AOAH: variants seen among roughly 807,000 people sequenced by gnomAD.
AOAH encodes the protein acyloxyacyl hydrolase (neutrophil).
In AOAH, 64 loss-of-function variants were observed where a neutral mutation model predicts 92.2. The observed-to-expected ratio is 0.69, with a 90% CI of 0.57 to 0.86. AOAH has a LOEUF of 0.86. AOAH is among the 40% of genes least tolerant of loss of function. The pLI, the probability that AOAH is intolerant of heterozygous loss-of-function variation, is 0.00. For missense variants in AOAH, 656 were observed against 694.6 expected (o/e 0.94, Z 0.62); for synonymous variants, 263 against 254.5 (o/e 1.03, Z -0.32).
intron 1 of AOAH, among the ~76,000 whole-genome samples, chr7:36,713,858 C>T (rs1798945977): frequency 1.3e-5 from 2 of 152,038 alleles, no homozygotes; most frequent in Non-Finnish European, 2.9e-5. Context: ...GCACTAAATG[C>T]CCACAAGAGA....
intron 9 of AOAH, among the ~76,000 whole-genome samples, chr7:36,618,627 C>T (rs148805310): frequency 4.1e-4 from 63 of 152,258 alleles, no homozygotes; most frequent in Non-Finnish European, 7.1e-4. Context: ...GGGTCTCACC[C>T]CTCAGAGCAT....
chr7:36,612,963 CTT>C (rs1014901736), intron 11 of AOAH, among the ~76,000 whole-genome samples: 5 of 151,988 alleles, frequency 3.3e-5, no homozygotes, highest in African/African-American at 1.2e-4. Flanking sequence ...TTACATTTCT[CTT>C]TTAATTTTGT....
chr7:36,616,407 T>C lies in AOAH; in HGVS notation c.819A>G (p.Glu273=). ...SAGAHFHISP[E]WITASQMSLN... ...AAGACATCTGCGACGCTGTGATCCATTCAGGAGAGATGTGAAAATGAGCCC... is the reference window on the plus strand; with the variant it reads ...AAGACATCTGCGACGCTGTGATCCACTCAGGAGAGATGTGAAAATGAGCCC... Residue 273 remains glutamate (E), a synonymous_variant, in exon 11 of 21, where the codon GAA becomes GAG. Coordinates refer to ENST00000617537, the MANE Select transcript of AOAH (RefSeq NM_001637.4). 6.2e-7 allele frequency: 1 copy of C among 1,614,088 alleles called. No homozygotes were observed.
At chr7:36,563,088 A>C (rs974843624) in intron 13 of AOAH, among the ~76,000 whole-genome samples, 1 of 132,556 alleles carries the variant, frequency 7.5e-6, no homozygotes, top group Non-Finnish European at 1.6e-5. Context: ...CGGAGGTTGC[A>C]GTGAGCCGAG....
chr7:36,606,684 C>T (rs1259788988), intron 11 of AOAH, among the ~76,000 whole-genome samples: 4 of 152,166 alleles, frequency 2.6e-5, no homozygotes, highest in Middle Eastern at 3.4e-3. Context: ...CCTTGCTGGC[C>T]TCAATGATCT....
rs370695490 is a variant in AOAH, at chr7:36,621,828, T to A, written c.583-48A>T. On this transcript the variant is annotated intron_variant, in intron 7 of 20. Transcript: ENST00000617537. ...GGAGGGGTTCAGCCTGCTTTGATGT[T>A]ATCCACGAGGAAGGCTAATCAGAGT... is the stretch of plus-strand genomic sequence containing the variant. 3.9e-6 allele frequency: 6 copies of A among 1,555,080 alleles called. No homozygotes were observed. The East Asian group carries it at 1.3e-4, about 35-fold the overall frequency.
chr7:36,632,066 A>AC lies in AOAH; in HGVS notation c.490dup (p.Val164GlyfsTer10). The AC allele has an allele frequency of 6.2e-7, 1 of 1,613,302 alleles. No individual in the cohort carries two copies. Among genetic ancestry groups the AC allele is most frequent in the Non-Finnish European group, 8.5e-7 (1 of 1,179,638 alleles). ...AATTTTCTGGCAGATCTTGGCCAAA[A>AC]CCGGGAGTGAACAAATGTCAGAACC... On this transcript the variant is annotated frameshift_variant, in exon 6 of 21. Coordinates refer to ENST00000617537, the MANE Select transcript of AOAH (RefSeq NM_001637.4). LOFTEE classifies it high-confidence loss of function.
intron 20 of AOAH, among the ~76,000 whole-genome samples, chr7:36,520,678 C>T (rs192830206): frequency 3.4e-5 from 5 of 146,556 alleles, no homozygotes; most frequent in East Asian, 2.0e-4. Flanking sequence ...GCACTCCAGC[C>T]GGGGCAACAA....
chr7:36,539,886 T>G (rs1189268276), intron 16 of AOAH, among the ~76,000 whole-genome samples: 2 of 151,952 alleles, frequency 1.3e-5, no homozygotes, highest in African/African-American at 4.8e-5. Context: ...CCCAAGAGAG[T>G]GTAGAAGCAG....
chr7:36,632,204 C>T (rs1793168769), intron 5 of AOAH, 98 bp from the exon 6 acceptor site: 1 of 987,682 alleles, frequency 1.0e-6, no homozygotes, highest in Non-Finnish European at 1.5e-6. Context: ...TCTGGATCCT[C>T]CTTCCTCTAG....
At chr7:36,621,210 C>T (rs970148697) in intron 8 of AOAH, among the ~76,000 whole-genome samples, 1 of 152,208 alleles carries the variant, frequency 6.6e-6, no homozygotes, top group African/African-American at 2.4e-5. Context: ...ACTATAGTCA[C>T]AACAAAGGCG....
intron 13 of AOAH, among the ~76,000 whole-genome samples, chr7:36,555,451 T>G (rs1482313147): frequency 6.6e-6 from 1 of 152,196 alleles, no homozygotes; most frequent in Admixed American, 6.5e-5. Flanking sequence ...ATTCTCTTTT[T>G]TGGTTGTGTT....
At chr7:36,550,651 G>A (rs1018153722) in intron 13 of AOAH, among the ~76,000 whole-genome samples, 16 of 152,318 alleles carry the variant, frequency 1.1e-4, no homozygotes, top group Admixed American at 9.8e-4. Flanking sequence ...CCAAACCAGT[G>A]TACTGTCTTT....
At chr7:36,543,947 C>CTTTCTTTTTTTTTTTTTTTTTT (rs55745823) in intron 15 of AOAH, among the ~76,000 whole-genome samples, 4 of 91,008 alleles carry the variant, frequency 4.4e-5, no homozygotes, top group Non-Finnish European at 7.9e-5. Context: ...TTCTTTCTTT[C>CTTTCTTTTTTTTTTTTTTTTTT]TTTTTTTTTT....
chr7:36,719,489 A>G (rs754021874), intron 1 of AOAH, among the ~76,000 whole-genome samples: 9 of 152,250 alleles, frequency 5.9e-5, no homozygotes, highest in Non-Finnish European at 1.2e-4. Flanking sequence ...GAAGAAAAAT[A>G]GGAAGGAAGA....
At chr7:36,660,491 T>A (rs982178181) in intron 3 of AOAH, among the ~76,000 whole-genome samples, 1 of 152,076 alleles carries the variant, frequency 6.6e-6, no homozygotes, top group Non-Finnish European at 1.5e-5. Flanking sequence ...AAGTTTTATA[T>A]TGTTTAGTAG....
At chr7:36,626,096 T>C (rs1476702702) in intron 6 of AOAH, among the ~76,000 whole-genome samples, 1 of 152,180 alleles carries the variant, frequency 6.6e-6, no homozygotes, top group Non-Finnish European at 1.5e-5. Flanking sequence ...ATTTGGCCTC[T>C]TGGACAGCGT....
At chr7:36,610,170 A>AT (rs1262440546) in intron 11 of AOAH, among the ~76,000 whole-genome samples, 1 of 149,590 alleles carries the variant, frequency 6.7e-6, no homozygotes, top group African/African-American at 2.4e-5. Flanking sequence ...AAAAAAAAAA[A>AT]AAAAAAAAAA....
In AOAH at chr7:36,594,399, G is replaced by A; in HGVS notation, c.878C>T (p.Thr293Ile). The A allele has an allele frequency of 6.2e-7, 1 of 1,614,034 alleles. No individual in the cohort carries two copies. The highest frequency in any genetic ancestry group is 8.5e-7 in the Non-Finnish European group (1 of 1,179,896). ...GAGTTGGGGCCAGTCAAGCTCGTTG[G>A]TAAGGGCTGTTGGTAGATTGATGAA... ...NSFINLPTALTNELDWPQLSG... is the reference protein window; with the variant it reads ...NSFINLPTALINELDWPQLSG... Residue 293 changes from threonine to isoleucine, a missense_variant, in exon 12 of 21, where the codon ACC becomes ATC. Thr to Ile is a moderately conservative substitution (Grantham distance 89). Coordinates refer to ENST00000617537, the MANE Select transcript of AOAH (RefSeq NM_001637.4).
Sources: gnomAD v4.1 joint callset for allele counts (sites outside exome capture counted in the v4.1 genomes callset) on GRCh38, gnomAD v4.1.1 for gene constraint, MANE v1.5 for transcripts, NCBI Gene and HGNC (gene_info 2026-07-23, HGNC 2026-07-21) for gene names.